AHRR: variants seen among roughly 807,000 people sequenced by gnomAD.
AHRR encodes the protein ahR repressor.
In AHRR, 28 loss-of-function variants were observed where a neutral mutation model predicts 44.0. That is an observed-to-expected ratio of 0.64 (90% CI 0.47 to 0.87). The LOEUF is 0.87. AHRR is among the 40% of genes least tolerant of loss of function. The pLI is 0.00. For missense variants in AHRR, 990 were observed against 953.9 expected (o/e 1.04, Z -0.50); for synonymous variants, 434 against 407.0 (o/e 1.07, Z -0.80).
chr5:432,084 C>G (rs1579715568), intron 8 of AHRR: 1 of 260,376 alleles, frequency 3.8e-6, no homozygotes, highest in East Asian at 1.1e-4. Flanking sequence ...GTCTCCAACT[C>G]ACCTCAGTGT....
rs184646439 is a variant in AHRR at position 419,029 on chromosome 5, A to G, written c.442-3700A>G. On this transcript the variant is annotated intron_variant, in intron 5 of 10. Coordinates refer to ENST00000684583, the MANE Select transcript of AHRR (RefSeq NM_001377236.1). The surrounding 1 kb of genome is among the most constrained non-coding windows in gnomAD (Gnocchi z 4.4). Reference sequence around the variant, plus strand: ...AGCAGCAGCTGCTGGCCATGTGACCATGGGTGCAGATGACCTTGTATGCCT... The same window carrying G: ...AGCAGCAGCTGCTGGCCATGTGACCGTGGGTGCAGATGACCTTGTATGCCT... 1 of 152,434 alleles carries G rather than the reference A, an allele frequency of 6.6e-6. No homozygotes were observed. The highest frequency in any genetic ancestry group is 2.4e-5 in the African/African-American group (1 of 41,580). The allele number at this position is 152,434 out of a possible 1,614,324, so 9.4% of individuals were successfully genotyped here.
In AHRR at chr5:425,475, G is replaced by A. The variant is rs928311124; in HGVS notation, c.708+1498G>A. On this transcript the variant is annotated intron_variant, in intron 7 of 10. Coordinates refer to ENST00000684583, the MANE Select transcript of AHRR (RefSeq NM_001377236.1). ...TGGGACTACAGGCGCCTGCCACCAC[G>A]CCCGGCTAATTTTTTTGTATTTTTA... Among the ~76,000 whole-genome samples, 8 of 152,242 alleles carry A rather than the reference G, an allele frequency of 5.3e-5. 1 individual carries two copies. In the Middle Eastern group the frequency reaches 0.01, roughly 194 times the overall value.
chr5:341,749 G>A (rs1195165275), intron 1 of AHRR, among the ~76,000 whole-genome samples: 1 of 151,796 alleles, frequency 6.6e-6, no homozygotes. Context: ...CCATTCTTCT[G>A]TTCAATTTGG....
At chr5:414,800 C>T (rs1418689238) in intron 5 of AHRR, among the ~76,000 whole-genome samples, 1 of 152,246 alleles carries the variant, frequency 6.6e-6, no homozygotes, top group Non-Finnish European at 1.5e-5. Flanking sequence ...TATTAGGGTT[C>T]AGTCTGGAGA....
intron 8 of AHRR, among the ~76,000 whole-genome samples, chr5:428,467 G>A (rs1294957205): frequency 6.6e-6 from 1 of 152,168 alleles, no homozygotes; most frequent in Non-Finnish European, 1.5e-5. Context: ...CCTCCAGCTG[G>A]TCCTCGTCCC....
intron 4 of AHRR, among the ~76,000 whole-genome samples, chr5:403,366 G>C (rs1007372420): frequency 5.9e-5 from 9 of 152,218 alleles, no homozygotes. Context: ...GTCGGGTGCA[G>C]TGGCTCACCC....
intron 1 of AHRR, among the ~76,000 whole-genome samples, chr5:323,404 C>G (rs1741574933): frequency 6.6e-6 from 1 of 152,188 alleles, no homozygotes; most frequent in Non-Finnish European, 1.5e-5. Context: ...CACTTCCCTG[C>G]CACCCCCTCG....
At chr5:401,542 C>T (rs908129984) in intron 4 of AHRR, among the ~76,000 whole-genome samples, 3 of 152,218 alleles carry the variant, frequency 2.0e-5, no homozygotes, top group Admixed American at 6.5e-5. Flanking sequence ...TGGGTACTCC[C>T]CACGGTCAAC....
intron 5 of AHRR, chr5:418,633 C>G (rs183615543): frequency 6.7e-6 from 1 of 150,238 alleles, no homozygotes; most frequent in African/African-American, 2.4e-5. Flanking sequence ...GGTCACCTTC[C>G]AGGGGTCTAC....
intron 5 of AHRR, 92 bp from the exon 6 acceptor site, chr5:422,637 T>C (rs10072668): frequency 0.45 from 702,005 of 1,555,432 alleles, 166,801 homozygotes; most frequent in Non-Finnish European, 0.49. Context: ...CTTTGACAAG[T>C]GGAGTGGAAA....
At chr5:400,568 A>C (rs1734973584) in intron 4 of AHRR, among the ~76,000 whole-genome samples, 1 of 152,196 alleles carries the variant, frequency 6.6e-6, no homozygotes, top group African/African-American at 2.4e-5. Flanking sequence ...TAAAAAAAAA[A>C]CAAAACTTTT....
At chr5:392,960 C>A (rs1734538282) in intron 4 of AHRR, among the ~76,000 whole-genome samples, 1 of 152,084 alleles carries the variant, frequency 6.6e-6, no homozygotes, top group East Asian at 1.9e-4. Context: ...CACCAAGCGC[C>A]GTCTTTCACT....
chr5:396,755 C>G (rs1734721875), intron 4 of AHRR, among the ~76,000 whole-genome samples: 1 of 152,102 alleles, frequency 6.6e-6, no homozygotes, highest in African/African-American at 2.4e-5. Context: ...GTGGGCACAG[C>G]AGGAAGGTAG....
At chr5:364,976 C>T (rs1334228044) in intron 3 of AHRR, among the ~76,000 whole-genome samples, 1 of 151,904 alleles carries the variant, frequency 6.6e-6, no homozygotes, top group African/African-American at 2.4e-5. Flanking sequence ...CTTTCCATAA[C>T]ATAATTTCAA....
intron 5 of AHRR, among the ~76,000 whole-genome samples, chr5:415,698 G>A (rs113885349): frequency 1.1e-4 from 6 of 56,858 alleles, no homozygotes; most frequent in East Asian, 3.3e-4. Context: ...GCCTAGGGGC[G>A]GAGTCTGCCT....
intron 1 of AHRR, among the ~76,000 whole-genome samples, chr5:324,463 A>T (rs114091991): frequency 0.024 from 2,586 of 107,970 alleles, 70 homozygotes; most frequent in African/African-American, 0.16. Flanking sequence ...TAAAAAAATT[A>T]AAAAAAAAAA....
intron 4 of AHRR, among the ~76,000 whole-genome samples, chr5:396,556 C>T (rs188599893): frequency 1.2e-4 from 19 of 152,328 alleles, no homozygotes; most frequent in African/African-American, 4.6e-4. Context: ...CATTTTCTGC[C>T]GCTTCTTCGG....
Position 337,336 on chromosome 5 carries a change from C to T in AHRR, c.-10-6557C>T, listed in dbSNP as rs889035489. 2.6e-5 allele frequency among the ~76,000 whole-genome samples: 4 copies of T among 152,184 alleles called. No homozygotes were observed. The highest frequency in any genetic ancestry group is 1.3e-4 in the Admixed American group (2 of 15,288). On this transcript the variant is annotated intron_variant, in intron 1 of 10. Transcript: ENST00000684583. The surrounding 1 kb of genome is among the most constrained non-coding windows in gnomAD (Gnocchi z 4.1). Reference sequence around the variant, plus strand: ...TGTGTTTTAATGTGTATGTCTAAAACGTGGATTTTAAAAAATCAGCTCTCT... The same window carrying T: ...TGTGTTTTAATGTGTATGTCTAAAATGTGGATTTTAAAAAATCAGCTCTCT...
rs1735167088 is a variant in AHRR, at chr5:404,382, C to T, written c.352-8962C>T. On this transcript the variant is annotated intron_variant, in intron 4 of 10. Coordinates refer to ENST00000684583, the MANE Select transcript of AHRR (RefSeq NM_001377236.1). This position sits in a 1 kb window ranked among gnomAD's most constrained non-coding sequence, Gnocchi z 4.1. ...TTCATTCTGGGTGTCTTCAGTGGTC[C>T]TAAAGCCTTTTGCATGATTTAGGAA... 3 of 528,304 alleles carry T rather than the reference C, an allele frequency of 5.7e-6. No homozygotes were observed. Among genetic ancestry groups the T allele is most frequent in the African/African-American group, 2.0e-5 (1 of 50,762 alleles). The allele number at this position is 528,304 out of a possible 1,614,324, so 32.7% of individuals were successfully genotyped here.
Sources: gnomAD v4.1 joint callset for allele counts (sites outside exome capture counted in the v4.1 genomes callset) on GRCh38, gnomAD v4.1.1 for gene constraint, Gnocchi (gnomAD v3.1) non-coding constraint, MANE v1.5 for transcripts, NCBI Gene and HGNC (gene_info 2026-07-23, HGNC 2026-07-21) for gene names.